Variants in SYNPO2 observed in about 807,000 individuals in gnomAD.
The protein encoded by SYNPO2 is synaptopodin-2.
Under a neutral mutation model 85.0 loss-of-function variants are expected in SYNPO2, and 56 were observed. That is an observed-to-expected ratio of 0.66 (90% CI 0.53 to 0.82). The LOEUF (loss-of-function observed/expected upper bound fraction) is 0.82, where lower values mean the gene tolerates loss of function less well. SYNPO2 is among the 40% of genes least tolerant of loss of function. SYNPO2 has a pLI of 0.00. For missense variants in SYNPO2, 1,575 were observed against 1,534.2 expected (o/e 1.03, Z -0.44); for synonymous variants, 602 against 591.1 (o/e 1.02, Z -0.27).
intron 1 of SYNPO2, among the ~76,000 whole-genome samples, chr4:118,942,695 A>G (rs1412288084): frequency 6.6e-6 from 1 of 152,194 alleles, no homozygotes; most frequent in Non-Finnish European, 1.5e-5. Flanking sequence ...ACATTTGGCA[A>G]TGACCGGAGA....
intron 1 of SYNPO2, among the ~76,000 whole-genome samples, chr4:118,986,502 C>T (rs753376470): frequency 1.9e-4 from 29 of 152,136 alleles, no homozygotes; most frequent in Admixed American, 5.2e-4. Context: ...AAAGTAGCCC[C>T]GAAACTCGAC....
chr4:119,051,186 A>ATT (rs369864760), intron 4 of SYNPO2, among the ~76,000 whole-genome samples: 1,830 of 100,668 alleles, frequency 0.018, 43 homozygotes, highest in Middle Eastern at 0.03. Flanking sequence ...ATGGGAAGCA[A>ATT]TTTTTTTTTT....
chr4:118,876,176 G>A (rs1414202423), intron 1 of SYNPO2, among the ~76,000 whole-genome samples: 1 of 152,156 alleles, frequency 6.6e-6, no homozygotes, highest in Non-Finnish European at 1.5e-5. Context: ...CTTCGTCAAC[G>A]TTGTATTAAA....
chr4:118,972,979 CTTA>C (rs1735591938), intron 1 of SYNPO2, among the ~76,000 whole-genome samples: 1 of 152,210 alleles, frequency 6.6e-6, no homozygotes. Flanking sequence ...ATGGTCCCCA[CTTA>C]TTATAACTCA....
At chr4:118,981,216 T>C (rs549377778) in intron 1 of SYNPO2, among the ~76,000 whole-genome samples, 1 of 152,254 alleles carries the variant, frequency 6.6e-6, no homozygotes, top group African/African-American at 2.4e-5. Flanking sequence ...ACAGCGTGTG[T>C]TTTTATCTGA....
chr4:119,010,552 T>C (rs1048213925), intron 1 of SYNPO2, among the ~76,000 whole-genome samples: 1 of 152,120 alleles, frequency 6.6e-6, no homozygotes, highest in Non-Finnish European at 1.5e-5. Flanking sequence ...CAAGATGAGA[T>C]TTGGGTGGGA....
chr4:119,028,809 AT>A (rs1463965503), intron 3 of SYNPO2, among the ~76,000 whole-genome samples: 1 of 152,034 alleles, frequency 6.6e-6, no homozygotes, highest in Non-Finnish European at 1.5e-5. Context: ...GTTTTGAGGA[AT>A]TAAAAAATTT....
At chr4:118,877,406 T>C (rs1731946199) in intron 1 of SYNPO2, among the ~76,000 whole-genome samples, 1 of 152,014 alleles carries the variant, frequency 6.6e-6, no homozygotes. Context: ...AAGAAACTAT[T>C]AAAAGAGTAA....
chr4:118,876,656 TTCC>T (rs1731914668), intron 1 of SYNPO2, among the ~76,000 whole-genome samples: 2 of 149,688 alleles, frequency 1.3e-5, no homozygotes, highest in African/African-American at 2.5e-5. Flanking sequence ...TCTTCCTTCC[TTCC>T]TTCCTTTCTC....
chr4:118,926,156 C>A (rs59127541), intron 1 of SYNPO2, among the ~76,000 whole-genome samples: 5 of 152,008 alleles, frequency 3.3e-5, no homozygotes. Context: ...GAATGGAGAA[C>A]GCAACTGGGG....
chr4:118,881,175 G>A (rs560920231), intron 1 of SYNPO2, among the ~76,000 whole-genome samples: 4 of 151,714 alleles, frequency 2.6e-5, no homozygotes, highest in East Asian at 1.9e-4. Flanking sequence ...AGTGGCGGGC[G>A]CCTGTAGTTC....
intron 1 of SYNPO2, among the ~76,000 whole-genome samples, chr4:118,953,414 G>A (rs924373820): frequency 3.3e-5 from 5 of 152,088 alleles, no homozygotes; most frequent in South Asian, 2.1e-4. Context: ...TGACTTAGTC[G>A]TATCACTGTA....
intron 1 of SYNPO2, among the ~76,000 whole-genome samples, chr4:118,986,673 G>A (rs1027627393): frequency 2.0e-5 from 3 of 152,186 alleles, no homozygotes; most frequent in African/African-American, 7.2e-5. Flanking sequence ...TTTTAAACTA[G>A]TCCAAACCAC....
At position 119,029,967 on chromosome 4, in the gene SYNPO2, A is replaced by G; in HGVS notation, c.1192A>G (p.Lys398Glu). 6.2e-7 allele frequency: 1 copy of G among 1,614,136 alleles called. No homozygotes were observed. The highest frequency in any genetic ancestry group is 2.2e-5 in the East Asian group (1 of 44,882). The change falls in exon 4 of 5, where the codon AAG becomes GAG. Residue 398 changes from lysine to glutamate, a missense_variant. Physicochemically the swap from Lys to Glu is moderately conservative, Grantham distance 56 (BLOSUM62 1). Around this residue, in one of 3 missense-constraint regions of SYNPO2, gnomAD observed 1,508 missense variants for 1,446.8 expected, o/e 1.04. Transcript: ENST00000307142. ...CAACTCCAAGGGGGTGTTGATGTTTAAGAAGCGACGTCGGAGGGCCAGGAA... is the reference window on the plus strand; with the variant it reads ...CAACTCCAAGGGGGTGTTGATGTTTGAGAAGCGACGTCGGAGGGCCAGGAA... ...NPNSKGVLMF[K>E]KRRRRARKYT...
intron 1 of SYNPO2, among the ~76,000 whole-genome samples, chr4:118,937,913 A>G (rs1294556457): frequency 6.6e-6 from 1 of 152,188 alleles, no homozygotes; most frequent in Non-Finnish European, 1.5e-5. Flanking sequence ...ACCTATATGT[A>G]TCCTCCCATA....
At chr4:118,933,809 T>C (rs959550392) in intron 1 of SYNPO2, among the ~76,000 whole-genome samples, 4 of 141,932 alleles carry the variant, frequency 2.8e-5, no homozygotes, top group African/African-American at 5.2e-5. Context: ...TGGTCATAGC[T>C]GCTTTTTGCT....
intron 1 of SYNPO2, among the ~76,000 whole-genome samples, chr4:118,883,430 A>T (rs1732146020): frequency 6.6e-6 from 1 of 152,208 alleles, no homozygotes; most frequent in African/African-American, 2.4e-5. Flanking sequence ...TTGCAGAATA[A>T]GTCGTTCTTA....
chr4:118,890,504 A>C (rs776010628), intron 1 of SYNPO2, among the ~76,000 whole-genome samples: 12 of 152,236 alleles, frequency 7.9e-5, no homozygotes, highest in Non-Finnish European at 1.6e-4. Context: ...AGGAGTCAAT[A>C]GCAGGCAACC....
At position 119,031,032 on chromosome 4, in the gene SYNPO2, C is replaced by A. The variant is rs557525605; in HGVS notation, c.2257C>A (p.Gln753Lys). 5.9e-5 allele frequency: 96 copies of A among 1,614,062 alleles called. No homozygotes were observed. The highest frequency in any genetic ancestry group is 7.9e-5 in the Non-Finnish European group (93 of 1,180,004). ...TTTCATGCAAAGCTCCTCTGCCAAA[C>A]AAAAGACCCCTCCTCCTGTTGCTCC... ...CNFMQSSSAKQKTPPPVAPKP... is the reference protein window; with the variant it reads ...CNFMQSSSAKKKTPPPVAPKP... Residue 753 changes from glutamine (Q) to lysine (K), a missense_variant, in exon 4 of 5, where the codon CAA becomes AAA. Gln to Lys is a moderately conservative substitution (Grantham distance 53). Around this residue, in one of 3 missense-constraint regions of SYNPO2, gnomAD observed 1,508 missense variants for 1,446.8 expected, o/e 1.04. Coordinates refer to ENST00000307142, the MANE Select transcript of SYNPO2 (RefSeq NM_133477.3).
Sources: allele counts gnomAD v4.1 joint callset (sites outside exome capture counted in the v4.1 genomes callset), GRCh38; gene constraint gnomAD v4.1.1; regional missense constraint gnomAD v4.1.1; transcripts MANE v1.5; gene names NCBI Gene and HGNC (gene_info 2026-07-23, HGNC 2026-07-21).